Variants in CCNI observed in about 807,000 individuals in gnomAD.
CCNI encodes the protein cyclin-I.
CCNI carries 14 observed loss-of-function variants against 34.1 expected under a neutral mutation model. The ratio of observed to expected loss-of-function variants is 0.41; its 90% CI spans 0.27 to 0.64. CCNI has a LOEUF of 0.64. Among genes scored for constraint, CCNI ranks in the 30% least tolerant of loss-of-function variants. The pLI, the probability that CCNI is intolerant of heterozygous loss-of-function variation, is 0.31. For missense variants in CCNI, 385 were observed against 440.5 expected, an observed-to-expected ratio of 0.87 and a Z score of 1.13; for synonymous variants, 154 against 158.4, an observed-to-expected ratio of 0.97 and a Z score of 0.21.
intron 6 of CCNI, among the ~76,000 whole-genome samples, chr4:77,051,428 CTTT>C: frequency 6.6e-6 from 1 of 152,274 alleles, no homozygotes; most frequent in South Asian, 2.1e-4. Flanking sequence ...TCACTATAAT[CTTT>C]CTGTGTGAAA....
intron 1 of CCNI, 121 bp from the exon 2 acceptor site, chr4:77,066,526 C>A: frequency 1.5e-6 from 1 of 646,678 alleles, no homozygotes. Flanking sequence ...GATTTTATAG[C>A]TCTTTAAAAT....
In CCNI at chr4:77,066,182, T is replaced by C. The variant is rs540051573; in HGVS notation, c.114+67A>G. 2.2e-5 allele frequency: 28 copies of C among 1,263,772 alleles called. No homozygotes were observed. The East Asian group carries it at 5.8e-4, about 26-fold the overall frequency. The allele number at this position is 1,263,772 out of a possible 1,614,324, so 78.3% of individuals were successfully genotyped here. ...CTCCTCCAATGTAGTGTCAAGATAT[T>C]ATTATGTATGGCAGTAGTATGTTTA... is the stretch of plus-strand genomic sequence containing the variant. On this transcript the variant is annotated intron_variant, in intron 2 of 6. Coordinates refer to ENST00000237654, the MANE Select transcript of CCNI (RefSeq NM_006835.3).
rs754852721 is a variant in CCNI, at chr4:77,058,590, T to C, written c.160A>G (p.Lys54Glu). 3.1e-6 allele frequency: 5 copies of C among 1,613,646 alleles called. No individual in the cohort carries two copies. Among genetic ancestry groups the C allele is most frequent in the Non-Finnish European group, 4.2e-6 (5 of 1,179,578 alleles). ...TAAAGGTTGAATTGGTACTTGAGTTTGGCCAGCCATTGAATTACTTCATCT... is the reference window on the plus strand; with the variant it reads ...TAAAGGTTGAATTGGTACTTGAGTTCGGCCAGCCATTGAATTACTTCATCT... ...QRDEVIQWLAKLKYQFNLYPE... is the reference protein window; with the variant it reads ...QRDEVIQWLAELKYQFNLYPE... Residue 54 changes from lysine (K) to glutamate (E), a missense_variant, in exon 3 of 7, where the codon AAA becomes GAA. Physicochemically the swap from Lys to Glu is moderately conservative, Grantham distance 56. Transcript: ENST00000237654.
At chr4:77,067,935 T>C (rs1729175926) in intron 1 of CCNI, among the ~76,000 whole-genome samples, 1 of 151,598 alleles carries the variant, frequency 6.6e-6, no homozygotes, top group Non-Finnish European at 1.5e-5. Flanking sequence ...CCTAGCACTT[T>C]GGGAGGTGGA....
rs745369753 is a variant in CCNI, at chr4:77,048,210, T to C, written c.*9A>G. 3.1e-6 allele frequency: 5 copies of C among 1,607,504 alleles called. No individual in the cohort carries two copies. The highest frequency in any genetic ancestry group is 4.3e-6 in the Non-Finnish European group (5 of 1,175,732). Reference sequence around the variant, plus strand: ...CTTAGTTTACACTCAAAGGTAGCACTTGTTGAAACTACATGACAGAAACAG... The same window carrying C: ...CTTAGTTTACACTCAAAGGTAGCACCTGTTGAAACTACATGACAGAAACAG... On this transcript the variant is annotated 3_prime_UTR_variant, in exon 7 of 7. Coordinates refer to ENST00000237654, the MANE Select transcript of CCNI (RefSeq NM_006835.3).
intron 6 of CCNI, among the ~76,000 whole-genome samples, chr4:77,053,456 T>C (rs1437767019): frequency 6.6e-6 from 1 of 151,334 alleles, no homozygotes; most frequent in African/African-American, 2.5e-5. Context: ...GAAAAAAAAG[T>C]TTCAGTGAAT....
intron 2 of CCNI, among the ~76,000 whole-genome samples, chr4:77,065,265 C>A (rs369733490): frequency 6.6e-6 from 1 of 152,192 alleles, no homozygotes; most frequent in East Asian, 1.9e-4. Context: ...GAGGAACTTA[C>A]ATATTTGCCA....
At chr4:77,050,396 C>T (rs1214655505) in intron 6 of CCNI, among the ~76,000 whole-genome samples, 1 of 151,970 alleles carries the variant, frequency 6.6e-6, no homozygotes, top group Non-Finnish European at 1.5e-5. Context: ...TCTACAAGAA[C>T]ACATTTGGTC....
At chr4:77,074,306 G>T (rs572502497) in intron 1 of CCNI, among the ~76,000 whole-genome samples, 1 of 152,226 alleles carries the variant, frequency 6.6e-6, no homozygotes, top group African/African-American at 2.4e-5. Context: ...TAGTAGAGGG[G>T]CTCAGAATCT....
chr4:77,062,383 A>G (rs989504780), intron 2 of CCNI, among the ~76,000 whole-genome samples: 1 of 152,202 alleles, frequency 6.6e-6, no homozygotes. Context: ...CCTGGGTAAC[A>G]CAGTGAGACT....
intron 3 of CCNI, among the ~76,000 whole-genome samples, chr4:77,058,253 G>A (rs1280381158): frequency 6.6e-6 from 1 of 152,266 alleles, no homozygotes; most frequent in Non-Finnish European, 1.5e-5. Flanking sequence ...TACTTGGGAG[G>A]CTGAGGCACA....
At chr4:77,057,328 G>C (rs138220298) in intron 3 of CCNI, among the ~76,000 whole-genome samples, 1 of 152,090 alleles carries the variant, frequency 6.6e-6, no homozygotes, top group Non-Finnish European at 1.5e-5. Flanking sequence ...TTAAACATTT[G>C]AAACAAAGTT....
intron 2 of CCNI, among the ~76,000 whole-genome samples, chr4:77,062,143 A>C (rs1449572045): frequency 6.6e-6 from 1 of 152,008 alleles, no homozygotes; most frequent in African/African-American, 2.4e-5. Context: ...CACCTGCCTT[A>C]TTATGTATCT....
chr4:77,071,378 C>G (rs183925013), intron 1 of CCNI, among the ~76,000 whole-genome samples: 149 of 152,216 alleles, frequency 9.8e-4, no homozygotes, highest in African/African-American at 3.5e-3. Flanking sequence ...TAAATTAATA[C>G]CTGAAAATGC....
intron 1 of CCNI, among the ~76,000 whole-genome samples, chr4:77,070,728 T>A (rs967631850): frequency 6.6e-6 from 1 of 152,118 alleles, no homozygotes; most frequent in African/African-American, 2.4e-5. Context: ...CTGTGGCTCA[T>A]TCCTGTAATT....
intron 1 of CCNI, among the ~76,000 whole-genome samples, chr4:77,068,378 A>G (rs1230060709): frequency 6.6e-6 from 1 of 152,240 alleles, no homozygotes; most frequent in Non-Finnish European, 1.5e-5. Context: ...ATGTGGAGAC[A>G]TAACTATGGA....
chr4:77,063,525 TA>T (rs1166450941), intron 2 of CCNI, among the ~76,000 whole-genome samples: 3 of 151,474 alleles, frequency 2.0e-5, no homozygotes, highest in South Asian at 2.1e-4. Flanking sequence ...CCGTCTCTAC[TA>T]AAAAATACAA....
intron 2 of CCNI, chr4:77,064,585 G>GCGCGCGCA (rs375436623): frequency 9.1e-5 from 13 of 143,102 alleles, no homozygotes; most frequent in African/African-American, 2.9e-4. Flanking sequence ...GCGCGCGCGC[G>GCGCGCGCA]CACACACACA....
At chr4:77,051,004 A>G (rs1371851883) in intron 6 of CCNI, among the ~76,000 whole-genome samples, 3 of 152,174 alleles carry the variant, frequency 2.0e-5, no homozygotes, top group Non-Finnish European at 4.4e-5. Flanking sequence ...ATATAAAATA[A>G]TGTAGTATTT....
Sources: allele counts gnomAD v4.1 joint callset (sites outside exome capture counted in the v4.1 genomes callset), GRCh38; gene constraint gnomAD v4.1.1; transcripts MANE v1.5; gene names NCBI Gene and HGNC (gene_info 2026-07-23, HGNC 2026-07-21).